BIN3: variants seen among roughly 807,000 people sequenced by gnomAD.
BIN3 encodes bridging integrator 3.
Under a neutral mutation model 38.2 loss-of-function variants are expected in BIN3, and 41 were observed. The observed-to-expected ratio is 1.07, with a 90% confidence interval of 0.84 to 1.39. BIN3 has a LOEUF of 1.39. Ranked by LOEUF, BIN3 falls within the 40% of genes most tolerant of loss-of-function variation. BIN3 has a pLI of 0.00. For missense variants in BIN3, 361 were observed against 324.3 expected, an observed-to-expected ratio of 1.11 and a Z score of -0.87; for synonymous variants, 145 against 122.6, an observed-to-expected ratio of 1.18 and a Z score of -1.21.
At chr8:22,666,291 A>G (rs1251124955) in intron 1 of BIN3, among the ~76,000 whole-genome samples, 7 of 150,282 alleles carry the variant, frequency 4.7e-5, no homozygotes, top group East Asian at 2.0e-4. Flanking sequence ...GAAGATGGGG[A>G]AGAGAGACAG....
chr8:22,668,505 G>A (rs1803500198), intron 1 of BIN3, among the ~76,000 whole-genome samples: 1 of 152,238 alleles, frequency 6.6e-6, no homozygotes, highest in Admixed American at 6.5e-5. Flanking sequence ...CACAGTGGAA[G>A]GGTGTGTGCG....
At chr8:22,638,040 T>C (rs1209144574) in intron 2 of BIN3, among the ~76,000 whole-genome samples, 1 of 151,456 alleles carries the variant, frequency 6.6e-6, no homozygotes, top group African/African-American at 2.4e-5. Context: ...GTAACCATCA[T>C]TCTCCTGGAA....
intron 2 of BIN3, among the ~76,000 whole-genome samples, chr8:22,643,501 G>T (rs1802626854): frequency 6.6e-6 from 1 of 152,196 alleles, no homozygotes; most frequent in African/African-American, 2.4e-5. Context: ...TAGAGTCGGG[G>T]TCTCTCTTTG....
chr8:22,623,133 T>TG (rs1478819844), intron 8 of BIN3, among the ~76,000 whole-genome samples: 2 of 152,202 alleles, frequency 1.3e-5, no homozygotes, highest in Non-Finnish European at 1.5e-5. Context: ...CCACGGGTGT[T>TG]GGGGTACTAA....
chr8:22,665,547 C>T (rs940748666), intron 1 of BIN3, among the ~76,000 whole-genome samples: 4 of 152,136 alleles, frequency 2.6e-5, no homozygotes, highest in East Asian at 1.9e-4. Flanking sequence ...GAAGGTGAAG[C>T]GTGGCCTGAC....
chr8:22,620,855 CAG>C lies in BIN3; in HGVS notation c.*565_*566del, dbSNP rs1466053612. 6.6e-6 allele frequency: 1 copy of C among 152,414 alleles called. No homozygotes were observed. Among genetic ancestry groups the C allele is most frequent in the Non-Finnish European group, 1.5e-5 (1 of 68,160 alleles). The allele number at this position is 152,414 out of a possible 1,614,324, so 9.4% of individuals were successfully genotyped here. A position where few individuals can be genotyped will look rare whatever the true frequency, so the allele number is the denominator to read the frequency against. On this transcript the variant is annotated 3_prime_UTR_variant, in exon 9 of 9. Coordinates refer to ENST00000276416, the MANE Select transcript of BIN3 (RefSeq NM_018688.6). ...CTTGCGTTCCCGAGGTACCAGTCCT[CAG>C]TGACCTCGGGAACCCCAACCACTTA... is the stretch of plus-strand genomic sequence containing the variant.
intron 4 of BIN3, among the ~76,000 whole-genome samples, chr8:22,631,939 C>A (rs766470648): frequency 6.6e-6 from 1 of 152,192 alleles, no homozygotes; most frequent in Non-Finnish European, 1.5e-5. Flanking sequence ...GGAAGCGGCC[C>A]TGGAGAAGGG....
chr8:22,642,865 G>A (rs1802606883), intron 2 of BIN3, among the ~76,000 whole-genome samples: 1 of 152,170 alleles, frequency 6.6e-6, no homozygotes, highest in Non-Finnish European at 1.5e-5. Flanking sequence ...GCCATAATCA[G>A]AGGACCACAA....
intron 1 of BIN3, among the ~76,000 whole-genome samples, chr8:22,647,866 C>T (rs1389173571): frequency 6.6e-6 from 1 of 152,072 alleles, no homozygotes; most frequent in East Asian, 1.9e-4. Flanking sequence ...GTGGCTCACA[C>T]CTGTAATCCC....
intron 6 of BIN3, 156 bp from the exon 7 acceptor site, chr8:22,624,519 A>T: frequency 1.1e-6 from 1 of 943,162 alleles, no homozygotes; most frequent in East Asian, 2.6e-5. Flanking sequence ...TGCCCTGAGC[A>T]CCTACCAAGC....
intron 1 of BIN3, among the ~76,000 whole-genome samples, chr8:22,667,676 C>T (rs753597635): frequency 1.2e-4 from 18 of 152,204 alleles, no homozygotes; most frequent in Non-Finnish European, 2.2e-4. Flanking sequence ...GGCTCCAGCC[C>T]CTTATTGGCC....
In BIN3 at chr8:22,630,009, C is replaced by G; in HGVS notation, c.298-5G>C. On this transcript the variant is annotated splice_region_variant and splice_polypyrimidine_tract_variant and intron_variant, in intron 5 of 8. Coordinates refer to ENST00000276416, the MANE Select transcript of BIN3 (RefSeq NM_018688.6). ...AGTCTTCTGGATCTGGTTCACCTGT[C>G]AAAGAAAAACCCAAAGACATTAAAA... 1 of 1,608,146 alleles carries G rather than the reference C, an allele frequency of 6.2e-7. No individual in the cohort carries two copies. The highest frequency in any genetic ancestry group is 8.5e-7 in the Non-Finnish European group (1 of 1,176,938).
intron 3 of BIN3, 70 bp from the exon 4 acceptor site, chr8:22,636,656 T>C: frequency 1.4e-6 from 2 of 1,473,904 alleles, no homozygotes; most frequent in Non-Finnish European, 1.9e-6. Flanking sequence ...CCAGGTGCTC[T>C]GGAGGGCCTG....
intron 2 of BIN3, among the ~76,000 whole-genome samples, chr8:22,643,751 G>A (rs928741593): frequency 2.6e-5 from 4 of 152,262 alleles, no homozygotes; most frequent in African/African-American, 4.8e-5. Context: ...CTCTGCCAAG[G>A]AGGGGAGAAG....
At chr8:22,665,762 G>A (rs909338969) in intron 1 of BIN3, among the ~76,000 whole-genome samples, 1 of 152,186 alleles carries the variant, frequency 6.6e-6, no homozygotes, top group Non-Finnish European at 1.5e-5. Context: ...CTATCCTGAA[G>A]ATGATGGCAA....
At chr8:22,666,446 G>A (rs1194018086) in intron 1 of BIN3, among the ~76,000 whole-genome samples, 2 of 151,936 alleles carry the variant, frequency 1.3e-5, no homozygotes, top group Admixed American at 6.6e-5. Flanking sequence ...GAGAGAGAGA[G>A]AAGCATTTGG....
intron 2 of BIN3, among the ~76,000 whole-genome samples, chr8:22,638,489 G>C (rs757605162): frequency 2.0e-5 from 3 of 152,214 alleles, no homozygotes; most frequent in Non-Finnish European, 4.4e-5. Flanking sequence ...CATTCTGCCA[G>C]GTTCTGGGGA....
rs181545060 is a variant in BIN3 at position 22,655,254 on chromosome 8, C to T, written c.9-10451G>A. ...GGGTTTCCACTTTCTTAATGGTGTC[C>T]TTTGAAGCAGAAAGTTTTAAATTTT... is the stretch of plus-strand genomic sequence containing the variant. On this transcript the variant is annotated intron_variant, in intron 1 of 8. Coordinates refer to ENST00000276416, the MANE Select transcript of BIN3 (RefSeq NM_018688.6). Among the ~76,000 whole-genome samples the T allele has an allele frequency of 3.3e-5, 5 of 152,190 alleles. No homozygotes were observed. In the East Asian group the frequency reaches 7.7e-4, roughly 23 times the overall value.
intron 2 of BIN3, among the ~76,000 whole-genome samples, chr8:22,641,216 C>T (rs1210009249): frequency 1.3e-5 from 2 of 152,202 alleles, no homozygotes; most frequent in East Asian, 1.9e-4. Context: ...CACATGTGCA[C>T]GGACCATCAG....
Sources: allele counts gnomAD v4.1 joint callset (sites outside exome capture counted in the v4.1 genomes callset), GRCh38; gene constraint gnomAD v4.1.1; transcripts MANE v1.5; gene names NCBI Gene and HGNC (gene_info 2026-07-23, HGNC 2026-07-21).